Variants in ANKRD30B observed in about 807,000 individuals in gnomAD.
ANKRD30B encodes the protein ankyrin repeat domain 30B.
A neutral mutation model predicts 202.2 loss-of-function variants in ANKRD30B; 144 were observed. The observed-to-expected ratio is 0.71, with a 90% CI of 0.62 to 0.82. The LOEUF is 0.82. ANKRD30B is among the 40% of genes least tolerant of loss of function. The pLI is 0.00. For synonymous variants in ANKRD30B, 508 were observed against 561.3 expected, an observed-to-expected ratio of 0.91 and a Z score of 1.34; for missense variants, 1,487 against 1,669.1, an observed-to-expected ratio of 0.89 and a Z score of 1.90.
intron 33 of ANKRD30B, among the ~76,000 whole-genome samples, chr18:14,828,788 A>G (rs1970775038): frequency 6.6e-6 from 1 of 152,240 alleles, no homozygotes; most frequent in South Asian, 2.1e-4. Context: ...GGTAACCAGT[A>G]CCTTGTTTTT....
intron 32 of ANKRD30B, among the ~76,000 whole-genome samples, chr18:14,825,970 C>T (rs1299514496): frequency 1.3e-5 from 2 of 149,060 alleles, no homozygotes; most frequent in East Asian, 3.9e-4. Flanking sequence ...CAGAAAAGTG[C>T]AAACAGTCAT....
intron 7 of ANKRD30B, among the ~76,000 whole-genome samples, chr18:14,767,272 G>C (rs1210777249): frequency 1.3e-5 from 2 of 152,102 alleles, no homozygotes; most frequent in Admixed American, 6.5e-5. Flanking sequence ...CCTTATCCAT[G>C]GGGGGTATTT....
the ANKRD30B span, among the ~76,000 whole-genome samples, chr18:14,924,868 C>T: frequency 6.6e-6 from 1 of 152,198 alleles, no homozygotes. Context: ...GGTTAGGACA[C>T]AGATGGGGCT....
chr18:14,816,012 C>G (rs1245298964), intron 30 of ANKRD30B: 2 of 152,152 alleles, frequency 1.3e-5, no homozygotes, highest in Non-Finnish European at 2.9e-5. Flanking sequence ...GATGTCAGTT[C>G]TACATTCAGC....
chr18:14,915,243 G>A, the ANKRD30B span, among the ~76,000 whole-genome samples: 9 of 152,280 alleles, frequency 5.9e-5, no homozygotes, highest in South Asian at 1.9e-3. Flanking sequence ...TGAAAGAGGA[G>A]CCTTGGTAAT....
chr18:14,842,615 A>G (rs1482239744), intron 37 of ANKRD30B, among the ~76,000 whole-genome samples: 1 of 152,226 alleles, frequency 6.6e-6, no homozygotes, highest in African/African-American at 2.4e-5. Flanking sequence ...TCTTTTCATC[A>G]CTCAGCATAT....
the ANKRD30B span, among the ~76,000 whole-genome samples, chr18:14,880,998 G>T: frequency 6.6e-6 from 1 of 152,074 alleles, no homozygotes; most frequent in Admixed American, 6.5e-5. Flanking sequence ...GAGTCCGTAG[G>T]GTTCTCAAGG....
intron 39 of ANKRD30B, among the ~76,000 whole-genome samples, chr18:14,844,311 G>C (rs1486170453): frequency 6.6e-6 from 1 of 152,176 alleles, no homozygotes; most frequent in Admixed American, 6.5e-5. Flanking sequence ...AATATTTCAA[G>C]TATCACTATG....
At chr18:14,865,125 A>T in the ANKRD30B span, among the ~76,000 whole-genome samples, 1 of 149,882 alleles carries the variant, frequency 6.7e-6, no homozygotes, top group Non-Finnish European at 1.5e-5. Context: ...CTCCCCCTCC[A>T]TCTACCCAAA....
chr18:14,893,330 G>T, the ANKRD30B span, among the ~76,000 whole-genome samples: 1 of 152,196 alleles, frequency 6.6e-6, no homozygotes, highest in Non-Finnish European at 1.5e-5. Context: ...TTAACTATGG[G>T]CTGGGCGCAG....
At chr18:14,854,832 A>AACACAC (rs56259305), downstream of ANKRD30B, among the ~76,000 whole-genome samples, 1,015 of 134,162 alleles carry the variant, frequency 7.6e-3, 13 homozygotes, top group South Asian at 0.014. Flanking sequence ...ACTATCCACG[A>AACACAC]ACACACACAC....
At position 14,808,773 on chromosome 18, in the gene ANKRD30B, G is replaced by T. The variant is rs1207757453; in HGVS notation, c.2386+29G>T. The T allele has an allele frequency of 3.1e-5, 44 of 1,412,102 alleles. No homozygotes were observed. In the East Asian group the frequency reaches 8.7e-4, roughly 28 times the overall value. The allele number at this position is 1,412,102 out of a possible 1,614,324, so 87.5% of individuals were successfully genotyped here. On this transcript the variant is annotated intron_variant, in intron 26 of 43. Coordinates refer to ENST00000690538, the MANE Select transcript of ANKRD30B (RefSeq NM_001367607.2). ...AATTTTGTAATTTAAATTTTAATCT[G>T]GAATTAAGAATATTAAACTATTTGA...
chr18:14,759,656 G>A lies in ANKRD30B; in HGVS notation c.756-898G>A, dbSNP rs1157203522. On this transcript the variant is annotated intron_variant, in intron 5 of 43. Transcript: ENST00000690538. ...AAACAGTAGTAGTAGTCCAAGCCAG[G>A]TGCTGAGATCTGTTAGTTTTCTGCC... Among the ~76,000 whole-genome samples the A allele has an allele frequency of 2.6e-5, 4 of 152,216 alleles. No individual in the cohort carries two copies. The East Asian group carries it at 7.7e-4, about 29-fold the overall frequency.
the ANKRD30B span, among the ~76,000 whole-genome samples, chr18:14,881,269 A>G: frequency 1.3e-5 from 2 of 152,242 alleles, no homozygotes; most frequent in Non-Finnish European, 1.5e-5. Context: ...TTGTATGCCT[A>G]TTTTGCTGAG....
the ANKRD30B span, among the ~76,000 whole-genome samples, chr18:14,896,389 C>G: frequency 6.6e-6 from 1 of 152,064 alleles, no homozygotes; most frequent in Admixed American, 6.6e-5. Flanking sequence ...CCTCGGCCTC[C>G]CAAAGTGCTG....
At chr18:14,904,870 G>A in the ANKRD30B span, among the ~76,000 whole-genome samples, 1 of 152,152 alleles carries the variant, frequency 6.6e-6, no homozygotes, top group Non-Finnish European at 1.5e-5. Context: ...TAGGGGCATG[G>A]TAAAATAAGG....
intron 33 of ANKRD30B, 130 bp downstream of exon 33, chr18:14,828,438 T>C (rs1970755492): frequency 3.0e-6 from 2 of 662,574 alleles, no homozygotes; most frequent in Admixed American, 3.4e-5. Context: ...TCATCTCACA[T>C]AGTCATCACA....
chr18:14,797,902 T>G lies in ANKRD30B; in HGVS notation c.2029+48T>G, dbSNP rs142821809. The stretch of plus-strand genomic sequence containing the variant: ...TAATCTGGAATTAAGAATATTAAAC[T>G]ATTTGAAATGCCAAGAGCCTTTTAT... On this transcript the variant is annotated intron_variant, in intron 20 of 43. Transcript: ENST00000690538. The G allele has an allele frequency of 8.4e-4, 1,226 of 1,460,134 alleles. 9 individuals carry two copies. In the African/African-American group the frequency reaches 0.011, roughly 13 times the overall value. The allele number at this position is 1,460,134 out of a possible 1,614,324, so 90.4% of individuals were successfully genotyped here.
intron 32 of ANKRD30B, among the ~76,000 whole-genome samples, chr18:14,826,922 C>T (rs184730866): frequency 5.9e-5 from 9 of 151,990 alleles, no homozygotes; most frequent in African/African-American, 2.2e-4. Context: ...ATAACAATAA[C>T]AATATATTGT....
Sources: gnomAD v4.1 joint callset for allele counts (sites outside exome capture counted in the v4.1 genomes callset) on GRCh38, gnomAD v4.1.1 for gene constraint, MANE v1.5 for transcripts, NCBI Gene and HGNC (gene_info 2026-07-23, HGNC 2026-07-21) for gene names.